AAAS: variants seen among roughly 807,000 people sequenced by gnomAD.
AAAS encodes aladin WD repeat nucleoporin.
In AAAS, 60 loss-of-function variants were observed where a neutral mutation model predicts 75.6. The ratio of observed to expected loss-of-function variants is 0.79; its 90% CI spans 0.64 to 0.98. The LOEUF (loss-of-function observed/expected upper bound fraction) is 0.98, where lower values mean the gene tolerates loss of function less well. Among genes scored for constraint, AAAS ranks in the 50% least tolerant of loss-of-function variants. The pLI is 0.00. For synonymous variants in AAAS, 271 were observed against 265.0 expected, an observed-to-expected ratio of 1.02 and a Z score of -0.22; for missense variants, 658 against 686.9, an observed-to-expected ratio of 0.96 and a Z score of 0.47.
rs374794144 is a variant in AAAS, at chr12:53,308,511, C to T, written c.1105G>A (p.Val369Ile). 31 of 1,614,182 alleles carry T rather than the reference C, an allele frequency of 1.9e-5. No homozygotes were observed. The highest frequency in any genetic ancestry group is 1.5e-4 in the Admixed American group (9 of 60,022). ...PERCGEGKGC[V>I]GGAKSATIVA... ...ATCGTTGCTGACTTTGCACCTCCAACGCACCCCTTTCCCTCACCTGTGGAC... is the reference window on the plus strand; with the variant it reads ...ATCGTTGCTGACTTTGCACCTCCAATGCACCCCTTTCCCTCACCTGTGGAC... The change falls in exon 12 of 16, where the codon GTT becomes ATT. Residue 369 changes from valine to isoleucine, a missense_variant. Transcript: ENST00000209873.
chr12:53,319,255 T>C (rs1191754730), intron 2 of AAAS, among the ~76,000 whole-genome samples: 1 of 152,012 alleles, frequency 6.6e-6, no homozygotes, highest in African/African-American at 2.4e-5. Flanking sequence ...TGGCACAATC[T>C]TGGCTCACTA....
At chr12:53,318,264 G>C (rs1208121040) in intron 2 of AAAS, among the ~76,000 whole-genome samples, 2 of 149,908 alleles carry the variant, frequency 1.3e-5, no homozygotes, top group African/African-American at 5.0e-5. Context: ...GTGTGTGTGT[G>C]TGTGTGTGTT....
chr12:53,307,495 G>A lies in AAAS; in HGVS notation c.1635C>T (p.His545=), dbSNP rs1428814341. 2 of 1,612,420 alleles carry A rather than the reference G, an allele frequency of 1.2e-6. No individual in the cohort carries two copies. The highest frequency in any genetic ancestry group is 1.3e-5 in the African/African-American group (1 of 75,012). Reference sequence around the variant, plus strand: ...AAGGAAAACTTATTTATTCTTAGAGGTGGGAATGTGGGGAGTGGGGCAGAA... The same window carrying A: ...AAGGAAAACTTATTTATTCTTAGAGATGGGAATGTGGGGAGTGGGGCAGAA... The part of the protein sequence containing the change: ...PPVLPHSPHS[H]L The change falls in exon 16 of 16, where the codon CAC becomes CAT. Residue 545 remains histidine (H), a synonymous_variant. Transcript: ENST00000209873.
At position 53,320,700 on chromosome 12, in the gene AAAS, A is replaced by C. The variant is rs1333968063; in HGVS notation, c.124-8T>G. The C allele has an allele frequency of 6.2e-7, 1 of 1,613,990 alleles. No homozygotes were observed. The highest frequency in any genetic ancestry group is 1.7e-5 in the Admixed American group (1 of 60,024). ...GACAGGAAGATTGATCCACTATAGC[A>C]CAAAAGTGAGGAGTGTGACGGTGAT... On this transcript the variant is annotated splice_polypyrimidine_tract_variant and splice_region_variant and intron_variant, in intron 1 of 15. Transcript: ENST00000209873.
intron 7 of AAAS, among the ~76,000 whole-genome samples, chr12:53,312,137 C>T (rs747301692): frequency 1.3e-5 from 2 of 151,338 alleles, no homozygotes; most frequent in Non-Finnish European, 2.9e-5. Flanking sequence ...CACTTGAACC[C>T]GGGAGGCAGA....
intron 3 of AAAS, 50 bp from the exon 4 acceptor site, chr12:53,315,476 C>T: frequency 1.1e-5 from 17 of 1,525,906 alleles, no homozygotes; most frequent in Non-Finnish European, 1.5e-5. Flanking sequence ...AGGCCTCTTA[C>T]CAGGTACCTT....
chr12:53,317,692 A>G (rs1944485831), intron 2 of AAAS, among the ~76,000 whole-genome samples: 1 of 152,094 alleles, frequency 6.6e-6, no homozygotes, highest in Non-Finnish European at 1.5e-5. Flanking sequence ...CAGCGAGCTG[A>G]GATCACGCCA....
At position 53,309,006 on chromosome 12, in the gene AAAS, T is replaced by G. The variant is rs772890213; in HGVS notation, c.950A>C (p.Gln317Pro). 2 of 1,614,080 alleles carry G rather than the reference T, an allele frequency of 1.2e-6. No homozygotes were observed. The highest frequency in any genetic ancestry group is 2.7e-5 in the African/African-American group (2 of 74,924). Residue 317 changes from glutamine to proline, a missense_variant, in exon 10 of 16, where the codon CAG becomes CCG. By Grantham distance (76) the Gln-to-Pro change is moderately conservative. Coordinates refer to ENST00000209873, the MANE Select transcript of AAAS (RefSeq NM_015665.6). ...AGGCCACCTCTCACAAGTCCACATC[T>G]GGGCCTCCCAGACTCTGAGCCAGAG... is the stretch of plus-strand genomic sequence containing the variant. ...PSAVFRVWEA[Q>P]MWTCERWPTL...
Position 53,321,564 on chromosome 12 carries a change from G to A in AAAS, c.-99C>T. The stretch of plus-strand genomic sequence containing the variant: ...GGTTCCCGGGCTAGATTCGTATGCG[G>A]ACGGGTACCGCAAGGGACAAACGGC... On this transcript the variant is annotated 5_prime_UTR_variant, in exon 1 of 16. Coordinates refer to ENST00000209873, the MANE Select transcript of AAAS (RefSeq NM_015665.6). 1 of 1,595,018 alleles carries A rather than the reference G, an allele frequency of 6.3e-7. No individual in the cohort carries two copies. The highest frequency in any genetic ancestry group is 1.7e-5 in the Admixed American group (1 of 59,954).
At chr12:53,309,917 C>G in intron 7 of AAAS, 196 bp from the exon 8 acceptor site, 10 of 791,540 alleles carry the variant, frequency 1.3e-5, no homozygotes, top group African/African-American at 3.5e-5. Context: ...CAAGTCACCA[C>G]GAGCAGGTCA....
In AAAS at chr12:53,320,698, G is replaced by C; in HGVS notation, c.124-6C>G. The C allele has an allele frequency of 6.2e-7, 1 of 1,613,970 alleles. No individual in the cohort carries two copies. The highest frequency in any genetic ancestry group is 1.3e-5 in the African/African-American group (1 of 75,028). On this transcript the variant is annotated splice_polypyrimidine_tract_variant and splice_region_variant and intron_variant, in intron 1 of 15. Transcript: ENST00000209873. ...AGGACAGGAAGATTGATCCACTATA[G>C]CACAAAAGTGAGGAGTGTGACGGTG...
chr12:53,312,338 A>C (rs1944401431), intron 7 of AAAS, among the ~76,000 whole-genome samples: 1 of 151,962 alleles, frequency 6.6e-6, no homozygotes, highest in Admixed American at 6.6e-5. Context: ...CACTTTGGGA[A>C]GCCAAGGCGG....
rs555213821 is a variant in AAAS at position 53,313,088 on chromosome 12, C to A, written c.689+1210G>T. On this transcript the variant is annotated intron_variant, in intron 7 of 15. Coordinates refer to ENST00000209873, the MANE Select transcript of AAAS (RefSeq NM_015665.6). Reference sequence around the variant, plus strand: ...AGCCAGGATGGTCTCTATCTCCTGACCTCATGATCCACCCGCCTCAGCCTC... The same window carrying A: ...AGCCAGGATGGTCTCTATCTCCTGAACTCATGATCCACCCGCCTCAGCCTC... Among the ~76,000 whole-genome samples the A allele has an allele frequency of 4.3e-4, 65 of 150,778 alleles. 3 individuals are homozygous for A. The South Asian group carries it at 0.013, about 31-fold the overall frequency.
rs1944349821 is a variant in AAAS at position 53,309,305 on chromosome 12, AG to A, written c.811-25del. The stretch of plus-strand genomic sequence containing the variant: ...ACCTAGGAGAGTGGGGCAGGAGATA[AG>A]GGAAAACTCAAGCACCCCATCATCT... On this transcript the variant is annotated intron_variant, in intron 8 of 15. Coordinates refer to ENST00000209873, the MANE Select transcript of AAAS (RefSeq NM_015665.6). 3 of 1,612,740 alleles carry A rather than the reference AG, an allele frequency of 1.9e-6. No individual in the cohort carries two copies. In the African/African-American group the frequency reaches 4.0e-5, roughly 22 times the overall value.
intron 7 of AAAS, among the ~76,000 whole-genome samples, chr12:53,313,350 G>A (rs1380573584): frequency 6.6e-6 from 1 of 151,584 alleles, no homozygotes; most frequent in Non-Finnish European, 1.5e-5. Context: ...ATTTTTAGTA[G>A]AGATGGGGTT....
intron 7 of AAAS, among the ~76,000 whole-genome samples, chr12:53,311,108 G>GT (rs994583075): frequency 1.3e-5 from 2 of 151,792 alleles, no homozygotes; most frequent in African/African-American, 2.4e-5. Context: ...CGCCCAGCTA[G>GT]TTTTTTTATT....
chr12:53,317,603 C>T (rs562124656), intron 2 of AAAS, among the ~76,000 whole-genome samples: 3 of 150,208 alleles, frequency 2.0e-5, no homozygotes, highest in South Asian at 4.2e-4. Flanking sequence ...ATTAACCAGG[C>T]GTGGTGGTGT....
Position 53,308,965 on chromosome 12 carries a change from A to G in AAAS, c.991T>C (p.Cys331Arg), listed in dbSNP as rs1944342011. Residue 331 changes from cysteine to arginine, a missense_variant, in exon 10 of 16, where the codon TGT (cysteine) becomes CGT (arginine). Coordinates refer to ENST00000209873, the MANE Select transcript of AAAS (RefSeq NM_015665.6). ...GAATCAGAGTCCCCTCTTACCTGAC[A>G]GCGCCCTGATAGAGTAGGCCACCTC... is the stretch of plus-strand genomic sequence containing the variant. ...CERWPTLSGRCQTGCWSPDGS... is the reference protein window; with the variant it reads ...CERWPTLSGRRQTGCWSPDGS... 1 of 1,614,078 alleles carries G rather than the reference A, an allele frequency of 6.2e-7. No individual in the cohort carries two copies. The highest frequency in any genetic ancestry group is 1.3e-5 in the African/African-American group (1 of 74,930).
Position 53,308,460 on chromosome 12 carries a change from TTGTTGTCTCAGACAGATC to T in AAAS, c.1138_1155del (p.Asp380_Thr385del). On this transcript the variant is annotated inframe_deletion, in exon 12 of 16. Transcript: ENST00000209873. ...CTCTCCTCACCATCTGGTGTCTGTA[TTGTTGTCTCAGACAGATC>T]TGCCACAATCGTTGCTGACTTTGCA... The T allele has an allele frequency of 6.2e-7, 1 of 1,614,174 alleles. No individual in the cohort carries two copies. Among genetic ancestry groups the T allele is most frequent in the Non-Finnish European group, 8.5e-7 (1 of 1,180,024 alleles).
Sources: gnomAD v4.1 joint callset for allele counts (sites outside exome capture counted in the v4.1 genomes callset) on GRCh38, gnomAD v4.1.1 for gene constraint, MANE v1.5 for transcripts, NCBI Gene and HGNC (gene_info 2026-07-23, HGNC 2026-07-21) for gene names.